Variants in ACTL6A observed in about 807,000 individuals in gnomAD.
ACTL6A encodes the protein actin-like protein 6A.
Under a neutral mutation model 59.2 loss-of-function variants are expected in ACTL6A, and 5 were observed. That is an observed-to-expected ratio of 0.08 (90% confidence interval 0.04 to 0.18). The LOEUF (loss-of-function observed/expected upper bound fraction) is 0.18. Ranked by LOEUF, ACTL6A falls within the 10% of genes least tolerant of loss-of-function variation. The pLI is 1.00. For synonymous variants in ACTL6A, 154 were observed against 171.8 expected (o/e 0.90, Z 0.81); for missense variants, 285 against 526.9 (o/e 0.54, Z 4.49).
At chr3:179,587,467 G>C (rs1477162056) in intron 13 of ACTL6A, among the ~76,000 whole-genome samples, 1 of 152,092 alleles carries the variant, frequency 6.6e-6, no homozygotes, top group Non-Finnish European at 1.5e-5. Flanking sequence ...ATAAAGGCAA[G>C]GCTAAATAGT....
At chr3:179,569,719 G>A (rs1481331620) in intron 1 of ACTL6A, 105 bp from the exon 2 acceptor site, 1 of 933,876 alleles carries the variant, frequency 1.1e-6, no homozygotes, top group South Asian at 1.4e-5. Context: ...GGAAGACTGA[G>A]GCGGGAGGAT....
chr3:179,574,947 A>C (rs1718121900), intron 5 of ACTL6A: 1 of 176,694 alleles, frequency 5.7e-6, no homozygotes, highest in Admixed American at 5.6e-5. Flanking sequence ...AGGATTACTG[A>C]AGCACGTCCT....
intron 1 of ACTL6A, among the ~76,000 whole-genome samples, chr3:179,566,351 A>G (rs1453301808): frequency 1.3e-5 from 2 of 152,222 alleles, no homozygotes; most frequent in Non-Finnish European, 2.9e-5. Context: ...CTCCTAACAT[A>G]GGGTTTGTGG....
chr3:179,563,166 G>A (rs773295880), intron 1 of ACTL6A, 49 bp downstream of exon 1: 6 of 1,574,646 alleles, frequency 3.8e-6, no homozygotes, highest in South Asian at 1.1e-5. Flanking sequence ...GGCGTGTGGG[G>A]TTTGTAACCG....
chr3:179,586,308 A>G (rs1718485650), intron 12 of ACTL6A, among the ~76,000 whole-genome samples: 1 of 151,988 alleles, frequency 6.6e-6, no homozygotes, highest in Non-Finnish European at 1.5e-5. Context: ...AACCACAGGG[A>G]GCCATTATGA....
chr3:179,575,476 C>G, intron 5 of ACTL6A: 1 of 455,854 alleles, frequency 2.2e-6, no homozygotes, highest in East Asian at 7.0e-5. Flanking sequence ...CATTGTGTGT[C>G]TACTGTGTTA....
At chr3:179,583,206 A>T (rs1462106756) in intron 11 of ACTL6A, 147 bp from the exon 12 acceptor site, 5 of 526,752 alleles carry the variant, frequency 9.5e-6, no homozygotes, top group African/African-American at 2.0e-5. Flanking sequence ...GAATTGATGG[A>T]TTAAGCTATT....
At chr3:179,577,994 G>A (rs1718220603) in intron 8 of ACTL6A, among the ~76,000 whole-genome samples, 1 of 152,064 alleles carries the variant, frequency 6.6e-6, no homozygotes, top group East Asian at 1.9e-4. Flanking sequence ...ATTCCTTTGG[G>A]TATATACCCA....
rs771222374 is a variant in ACTL6A, at chr3:179,563,049, T to C, written c.-44T>C. 2.5e-6 allele frequency: 4 copies of C among 1,607,124 alleles called. No individual in the cohort carries two copies. The highest frequency in any genetic ancestry group is 2.2e-5 in the East Asian group (1 of 44,796). ...TCGCAGTCGCGGCCACTGCAGTCACTTCGCCAGTTAGCCCTTAGGGTAGGA... is the reference window on the plus strand; with the variant it reads ...TCGCAGTCGCGGCCACTGCAGTCACCTCGCCAGTTAGCCCTTAGGGTAGGA... On this transcript the variant is annotated 5_prime_UTR_variant, in exon 1 of 14. Coordinates refer to ENST00000429709, the MANE Select transcript of ACTL6A (RefSeq NM_004301.5).
At chr3:179,569,975 C>G (rs1016928672) in intron 2 of ACTL6A, 75 bp downstream of exon 2, 1 of 1,577,292 alleles carries the variant, frequency 6.3e-7, no homozygotes, top group Non-Finnish European at 8.6e-7. Context: ...AATTCTGATT[C>G]AAAACAAAAT....
chr3:179,575,846 T>C (rs1718151513), intron 5 of ACTL6A, among the ~76,000 whole-genome samples: 1 of 152,252 alleles, frequency 6.6e-6, no homozygotes, highest in African/African-American at 2.4e-5. Context: ...AACCTCCCAC[T>C]GTTCTTACCA....
At position 179,576,290 on chromosome 3, in the gene ACTL6A, G is replaced by A; in HGVS notation, c.550G>A (p.Asp184Asn). Residue 184 changes from aspartate to asparagine, a missense_variant, in exon 6 of 14, where the codon GAT (aspartate) becomes AAT (asparagine). Asp to Asn is a conservative substitution (Grantham distance 23). Transcript: ENST00000429709. ...TCATACCACTGCAATTCCAGTCCAC[G>A]ATGGCTATGTCCTTCAACAAGGTAA... ...ATHTTAIPVH[D>N]GYVLQQGIVK... The A allele has an allele frequency of 6.2e-7, 1 of 1,604,368 alleles. No homozygotes were observed. Among genetic ancestry groups the A allele is most frequent in the Non-Finnish European group, 8.5e-7 (1 of 1,177,402 alleles).
At chr3:179,573,537 G>C in intron 4 of ACTL6A, 68 bp downstream of exon 4, 2 of 980,292 alleles carry the variant, frequency 2.0e-6, no homozygotes, top group Non-Finnish European at 2.8e-6. Context: ...TTTTCCTTTA[G>C]TTTTCTACTC....
At chr3:179,576,803 A>G (rs1718179722) in intron 7 of ACTL6A, 21 bp from the exon 8 acceptor site, 1 of 1,612,976 alleles carries the variant, frequency 6.2e-7, no homozygotes, top group Non-Finnish European at 8.5e-7. Flanking sequence ...CCATTAACCT[A>G]GCATCTCTTG....
At chr3:179,574,983 T>G (rs1400334895) in intron 5 of ACTL6A, 1 of 188,016 alleles carries the variant, frequency 5.3e-6, no homozygotes, top group Non-Finnish European at 1.1e-5. Context: ...TTTACGCTGT[T>G]GCTCTAATAA....
chr3:179,563,856 G>T (rs1003841061), intron 1 of ACTL6A, among the ~76,000 whole-genome samples: 1 of 152,170 alleles, frequency 6.6e-6, no homozygotes, highest in Non-Finnish European at 1.5e-5. Context: ...CTGTGGTGTG[G>T]TAGGAAGATT....
chr3:179,576,779 C>T, intron 7 of ACTL6A, 45 bp from the exon 8 acceptor site: 1 of 1,607,186 alleles, frequency 6.2e-7, no homozygotes. Flanking sequence ...TCCCCCACCC[C>T]TATGAAGTGA....
chr3:179,574,290 T>C (rs1288730577), intron 4 of ACTL6A, 80 bp from the exon 5 acceptor site: 1 of 805,282 alleles, frequency 1.2e-6, no homozygotes, highest in African/African-American at 1.7e-5. Context: ...TCTTTGTTAA[T>C]ATAGTGCTAG....
intron 1 of ACTL6A, among the ~76,000 whole-genome samples, chr3:179,564,730 T>C (rs1717779043): frequency 6.6e-6 from 1 of 152,218 alleles, no homozygotes; most frequent in South Asian, 2.1e-4. Context: ...TTCACAAAAA[T>C]GTTTTTTGAG....
Sources: gnomAD v4.1 joint callset for allele counts (sites outside exome capture counted in the v4.1 genomes callset) on GRCh38, gnomAD v4.1.1 for gene constraint, MANE v1.5 for transcripts, NCBI Gene and HGNC (gene_info 2026-07-23, HGNC 2026-07-21) for gene names.